MTPAP: variants seen among roughly 807,000 people sequenced by gnomAD.
MTPAP encodes mitochondrial poly(A) polymerase.
A neutral mutation model predicts 48.7 loss-of-function variants in MTPAP; 23 were observed. That is an observed-to-expected ratio of 0.47 (90% confidence interval 0.34 to 0.67). The LOEUF is 0.67. Among genes scored for constraint, MTPAP ranks in the 30% least tolerant of loss-of-function variants. The probability of loss-of-function intolerance (pLI) is 0.01; values close to 1 mark genes in which losing one functional copy is unlikely to be tolerated. For synonymous variants in MTPAP, 257 were observed against 254.1 expected, an observed-to-expected ratio of 1.01 and a Z score of -0.11; for missense variants, 614 against 694.3, an observed-to-expected ratio of 0.88 and a Z score of 1.30.
At chr10:30,337,448 C>T (rs1210932295) in intron 3 of MTPAP, among the ~76,000 whole-genome samples, 1 of 151,718 alleles carries the variant, frequency 6.6e-6, no homozygotes, top group Non-Finnish European at 1.5e-5. Context: ...CTTTAAAAAC[C>T]ACTGAGAAGG....
intron 6 of MTPAP, among the ~76,000 whole-genome samples, chr10:30,320,926 C>T (rs1189596185): frequency 6.6e-6 from 1 of 152,222 alleles, no homozygotes; most frequent in Non-Finnish European, 1.5e-5. Flanking sequence ...TTAAGCACCA[C>T]TGCACACAGC....
intron 4 of MTPAP, among the ~76,000 whole-genome samples, chr10:30,333,422 G>C (rs1271188280): frequency 6.6e-6 from 1 of 152,158 alleles, no homozygotes; most frequent in Non-Finnish European, 1.5e-5. Flanking sequence ...ACTTACCTAG[G>C]ATCACATTAC....
Position 30,322,463 on chromosome 10 carries a change from T to C in MTPAP, c.1147A>G (p.Met383Val), listed in dbSNP as rs1440723199. 6.2e-7 allele frequency: 1 copy of C among 1,613,886 alleles called. No homozygotes were observed. Among genetic ancestry groups the C allele is most frequent in the Non-Finnish European group, 8.5e-7 (1 of 1,179,856 alleles). ...AWITNFSLTM[M>V]VIFFLQRRSP... ...CTTCTCTGGAGAAAAAAGATGACCA[T>C]CATTGTAAGGGAGAAATTTGTAATC... is the stretch of plus-strand genomic sequence containing the variant. Residue 383 changes from methionine to valine, a missense_variant, in exon 6 of 9, where the codon ATG becomes GTG. By Grantham distance (21) the Met-to-Val change is conservative (BLOSUM62 1). Transcript: ENST00000263063.
In MTPAP at chr10:30,345,934, G is replaced by A. The variant is rs189952096; in HGVS notation, c.157+3185C>T. Among the ~76,000 whole-genome samples the A allele has an allele frequency of 7.1e-4, 108 of 151,894 alleles. 1 individual carries two copies. The highest frequency in any genetic ancestry group is 3.4e-3 in the Middle Eastern group (1 of 294). ...GTGGTAACGCGTGCCTGTAATCCCA[G>A]GTACTCAAGAGGCTGAGGCAGGAGA... On this transcript the variant is annotated intron_variant, in intron 1 of 8. Coordinates refer to ENST00000263063, the MANE Select transcript of MTPAP (RefSeq NM_018109.4).
intron 1 of MTPAP, among the ~76,000 whole-genome samples, chr10:30,343,223 C>T (rs1316303499): frequency 6.6e-6 from 1 of 151,794 alleles, no homozygotes; most frequent in South Asian, 2.1e-4. Flanking sequence ...CGGAGGTGGG[C>T]GGATCACCTG....
chr10:30,345,035 A>G (rs796533760), intron 1 of MTPAP, among the ~76,000 whole-genome samples: 3 of 152,256 alleles, frequency 2.0e-5, no homozygotes, highest in African/African-American at 4.8e-5. Context: ...AGGTAGAAGC[A>G]TAAGTCCTCT....
chr10:30,326,749 A>C, intron 4 of MTPAP, 114 bp from the exon 5 acceptor site: 1 of 785,090 alleles, frequency 1.3e-6, no homozygotes, highest in Non-Finnish European at 2.1e-6. Flanking sequence ...CAAAATAAGA[A>C]AAAAACAACC....
intron 1 of MTPAP, among the ~76,000 whole-genome samples, chr10:30,344,796 C>T (rs936178101): frequency 6.6e-6 from 1 of 151,518 alleles, no homozygotes; most frequent in African/African-American, 2.4e-5. Flanking sequence ...TCTCCACCTC[C>T]AGGGTTCAAG....
intron 4 of MTPAP, among the ~76,000 whole-genome samples, chr10:30,328,938 TTTG>T (rs1303811949): frequency 6.6e-6 from 1 of 151,986 alleles, no homozygotes; most frequent in African/African-American, 2.4e-5. Context: ...CCTAGGTTGT[TTTG>T]TTGTTGTTTT....
intron 5 of MTPAP, among the ~76,000 whole-genome samples, chr10:30,325,641 G>A (rs1834576516): frequency 6.6e-6 from 1 of 152,088 alleles, no homozygotes; most frequent in African/African-American, 2.4e-5. Flanking sequence ...AGCTACTTGG[G>A]AGGCTGAGGC....
In MTPAP at chr10:30,339,480, C is replaced by CAA. The variant is rs34169013; in HGVS notation, c.555+744_555+745dup. On this transcript the variant is annotated intron_variant, in intron 3 of 8. Coordinates refer to ENST00000263063, the MANE Select transcript of MTPAP (RefSeq NM_018109.4). ...CCTGGGCAAGAGCGAGACTCCATCTCAAAAAAAAAAAAAAAAAAAGAGAGA... is the reference window on the plus strand; with the variant it reads ...CCTGGGCAAGAGCGAGACTCCATCTCAAAAAAAAAAAAAAAAAAAAAGAGAGA... Among the ~76,000 whole-genome samples the CAA allele has an allele frequency of 5.0e-3, 462 of 92,248 alleles. 3 individuals carry two copies. Among genetic ancestry groups the CAA allele is most frequent in the African/African-American group, 0.016 (415 of 25,250 alleles). The allele number at this position is 92,248 out of a possible 152,430, so 60.5% of individuals were successfully genotyped here.
intron 4 of MTPAP, among the ~76,000 whole-genome samples, chr10:30,330,750 C>T (rs1834655380): frequency 6.6e-6 from 1 of 152,148 alleles, no homozygotes; most frequent in African/African-American, 2.4e-5. Flanking sequence ...TTTGCTTTGG[C>T]CAGTGAAATG....
At chr10:30,330,624 C>T (rs750209605) in intron 4 of MTPAP, among the ~76,000 whole-genome samples, 14 of 152,184 alleles carry the variant, frequency 9.2e-5, no homozygotes, top group Non-Finnish European at 1.9e-4. Context: ...GAACTGTGAA[C>T]CATGAGCAGG....
chr10:30,342,552 A>T (rs967962789), intron 1 of MTPAP, among the ~76,000 whole-genome samples: 92 of 152,170 alleles, frequency 6.0e-4, no homozygotes, highest in Non-Finnish European at 6.8e-4. Context: ...ACAAAAAAAA[A>T]AAAAAAAACC....
rs771480066 is a variant in MTPAP, at chr10:30,336,765, C to T, written c.780+38G>A. On this transcript the variant is annotated intron_variant, in intron 4 of 8. Transcript: ENST00000263063. ...GATTTTTCTTTTTATACTTTCTTAA[C>T]TTTACATGATTATAGTGGTCAAAAG... The T allele has an allele frequency of 1.3e-5, 19 of 1,475,444 alleles. No homozygotes were observed. In the South Asian group the frequency reaches 2.0e-4, roughly 16 times the overall value. 91.4% of individuals were successfully genotyped at this position (1,475,444 alleles called of 1,614,324 possible).
chr10:30,333,864 T>C (rs186817846), intron 4 of MTPAP, among the ~76,000 whole-genome samples: 4 of 152,232 alleles, frequency 2.6e-5, no homozygotes, highest in South Asian at 2.1e-4. Flanking sequence ...ATCATACCAC[T>C]GCACTCTAGC....
At chr10:30,332,711 G>A (rs1486501116) in intron 4 of MTPAP, among the ~76,000 whole-genome samples, 2 of 152,334 alleles carry the variant, frequency 1.3e-5, no homozygotes, top group South Asian at 4.1e-4. Context: ...TAGGCCAGGT[G>A]CAGTGGCTCA....
intron 6 of MTPAP, 118 bp downstream of exon 6, chr10:30,322,273 A>C: frequency 1.1e-6 from 1 of 924,082 alleles, no homozygotes; most frequent in South Asian, 1.4e-5. Context: ...CTTTAAAAAA[A>C]AGTCAAGACA....
At chr10:30,348,876 A>G (rs1359707305) in intron 1 of MTPAP, 3 of 570,346 alleles carry the variant, frequency 5.3e-6, no homozygotes, top group Non-Finnish European at 9.3e-6. Context: ...ATGGAAGTCT[A>G]AACAACTCCA....
Sources: allele counts gnomAD v4.1 joint callset (sites outside exome capture counted in the v4.1 genomes callset), GRCh38; gene constraint gnomAD v4.1.1; transcripts MANE v1.5; gene names NCBI Gene and HGNC (gene_info 2026-07-23, HGNC 2026-07-21).